Variants in SCN2A observed in about 807,000 individuals in gnomAD.
SCN2A encodes the protein sodium voltage-gated channel alpha subunit 2.
In SCN2A, 20 loss-of-function variants were observed where a neutral mutation model predicts 188.7. The observed-to-expected ratio is 0.11, with a 90% CI of 0.07 to 0.15. SCN2A has a LOEUF of 0.15. Ranked by LOEUF, SCN2A falls within the 10% of genes least tolerant of loss-of-function variation. SCN2A has a pLI of 1.00. For missense variants in SCN2A, 1,278 were observed against 2,445.0 expected (o/e 0.52, Z 10.07); for synonymous variants, 804 against 833.1 (o/e 0.97, Z 0.60).
At chr2:165,339,579 A>G (rs1012630336) in intron 14 of SCN2A, among the ~76,000 whole-genome samples, 7 of 152,192 alleles carry the variant, frequency 4.6e-5, no homozygotes, top group African/African-American at 1.7e-4. Context: ...AAACACGAAG[A>G]ATATAGTAAT....
In SCN2A at chr2:165,389,956, A is replaced by C. The variant is rs952120916; in HGVS notation, c.*132A>C. The C allele has an allele frequency of 1.4e-6, 2 of 1,430,828 alleles. No homozygotes were observed. Among genetic ancestry groups the C allele is most frequent in the African/African-American group, 1.4e-5 (1 of 69,632 alleles). 88.6% of individuals were successfully genotyped at this position (1,430,828 alleles called of 1,614,324 possible). ...TTTTTACAAATGTATACTTAAGGTCAGTGCCTATAACAAGACAGAGACCTC... is the reference window on the plus strand; with the variant it reads ...TTTTTACAAATGTATACTTAAGGTCCGTGCCTATAACAAGACAGAGACCTC... On this transcript the variant is annotated 3_prime_UTR_variant, in exon 27 of 27. Coordinates refer to ENST00000375437, the MANE Select transcript of SCN2A (RefSeq NM_001040142.2). The surrounding 1 kb of genome is among the most constrained non-coding windows in gnomAD (Gnocchi z 4.2).
At chr2:165,262,916 T>A (rs1694670116) in intron 1 of SCN2A, among the ~76,000 whole-genome samples, 1 of 152,126 alleles carries the variant, frequency 6.6e-6, no homozygotes. Context: ...ATATCTATTA[T>A]TTTTTGATTG....
chr2:165,350,995 T>C (rs930422189), intron 16 of SCN2A, among the ~76,000 whole-genome samples: 2 of 152,220 alleles, frequency 1.3e-5, no homozygotes, highest in African/African-American at 4.8e-5. Flanking sequence ...TGCCAAGAAC[T>C]GTGCTGAAAG....
intron 17 of SCN2A, among the ~76,000 whole-genome samples, chr2:165,355,383 A>G (rs1272119040): frequency 6.6e-6 from 1 of 152,226 alleles, no homozygotes; most frequent in Non-Finnish European, 1.5e-5. Flanking sequence ...TTTGATTTAC[A>G]AGAAGGGTAT....
intron 12 of SCN2A, 83 bp from the exon 13 acceptor site, chr2:165,326,769 T>G (rs1290095838): frequency 3.0e-5 from 44 of 1,450,324 alleles, no homozygotes; most frequent in Non-Finnish European, 4.1e-5. Flanking sequence ...GTATATTTAG[T>G]TAAATAACAC....
intron 23 of SCN2A, among the ~76,000 whole-genome samples, chr2:165,379,126 T>C (rs1701465026): frequency 6.6e-6 from 1 of 151,838 alleles, no homozygotes; most frequent in Non-Finnish European, 1.5e-5. Context: ...AAGAAACTTA[T>C]GCACATGTTT....
chr2:165,347,202 T>C (rs1047719595), intron 16 of SCN2A, among the ~76,000 whole-genome samples: 3 of 152,084 alleles, frequency 2.0e-5, no homozygotes, highest in African/African-American at 7.2e-5. Flanking sequence ...CAAATGCCCA[T>C]CAATGATAGA....
At chr2:165,379,724 A>G (rs1297853262) in intron 23 of SCN2A, among the ~76,000 whole-genome samples, 1 of 151,746 alleles carries the variant, frequency 6.6e-6, no homozygotes, top group Non-Finnish European at 1.5e-5. Context: ...ATTTTGCTGT[A>G]TTTCCTTAGA....
chr2:165,298,236 G>A (rs1225992343), intron 3 of SCN2A, among the ~76,000 whole-genome samples: 1 of 152,192 alleles, frequency 6.6e-6, no homozygotes, highest in Non-Finnish European at 1.5e-5. Flanking sequence ...AAGGCTTTCA[G>A]TATAAATATT....
intron 8 of SCN2A, 22 bp downstream of exon 8, chr2:165,312,110 G>C (rs1214006990): frequency 1.3e-6 from 2 of 1,592,832 alleles, no homozygotes; most frequent in Admixed American, 1.7e-5. Flanking sequence ...TTCCTACTGA[G>C]TTTCAGTCCA....
intron 1 of SCN2A, among the ~76,000 whole-genome samples, chr2:165,291,352 GTTCCTTCCTTCCTTCCTTCC>G (rs756578383): frequency 0.021 from 1,177 of 55,960 alleles, 33 homozygotes; most frequent in African/African-American, 0.026. Flanking sequence ...TCTGTCGTTC[GTTCCTTCCTTCCTTCCTTCC>G]TTCCTTCCTT....
intron 1 of SCN2A, among the ~76,000 whole-genome samples, chr2:165,281,701 A>G (rs1474878593): frequency 2.0e-5 from 3 of 152,128 alleles, no homozygotes; most frequent in Non-Finnish European, 4.4e-5. Context: ...TGGCTACCAC[A>G]TTGAGAATAA....
intron 15 of SCN2A, among the ~76,000 whole-genome samples, chr2:165,342,697 G>A (rs1379533489): frequency 6.6e-6 from 1 of 152,140 alleles, no homozygotes; most frequent in African/African-American, 2.4e-5. Flanking sequence ...TGAATGGAAG[G>A]CTAATAGAGA....
chr2:165,310,742 G>T, intron 7 of SCN2A, 147 bp downstream of exon 7: 1 of 506,266 alleles, frequency 2.0e-6, no homozygotes, highest in Admixed American at 3.8e-5. Context: ...GATATCAAAT[G>T]ATACCTTATT....
Position 165,365,175 on chromosome 2 carries a change from C to T in SCN2A, c.3432C>T (p.Ser1144=), listed in dbSNP as rs1362739462. The change falls in exon 18 of 27, where the codon AGC becomes AGT. Residue 1144 remains serine, a synonymous_variant. Coordinates refer to ENST00000375437, the MANE Select transcript of SCN2A (RefSeq NM_001040142.2). ...ATGCAACTAGTTCATCTGAAGGCAG[C>T]ACGGTTGATATTGGAGCTCCCGCCG... is the stretch of plus-strand genomic sequence containing the variant. ...KLNATSSSEG[S]TVDIGAPAEG... 1 of 1,613,498 alleles carries T rather than the reference C, an allele frequency of 6.2e-7. No homozygotes were observed. The highest frequency in any genetic ancestry group is 1.3e-5 in the African/African-American group (1 of 74,890).
intron 3 of SCN2A, among the ~76,000 whole-genome samples, chr2:165,298,901 T>C (rs1447884237): frequency 6.6e-6 from 1 of 151,960 alleles, no homozygotes; most frequent in Non-Finnish European, 1.5e-5. Context: ...AATAAGTGAC[T>C]AGTAAGTCAG....
At chr2:165,356,077 T>G (rs569337088) in intron 17 of SCN2A, among the ~76,000 whole-genome samples, 21 of 152,328 alleles carry the variant, frequency 1.4e-4, no homozygotes, top group African/African-American at 4.8e-4. Context: ...AGTATGTTAT[T>G]TTCCATTTTT....
In SCN2A at chr2:165,295,761, C is replaced by G; in HGVS notation, c.-51-12C>G. Reference sequence around the variant, plus strand: ...AATGGTCATTGCTTTTTTTCCCTCCCTGTTTCTGTAGCACTTTCTTATGCA... The same window carrying G: ...AATGGTCATTGCTTTTTTTCCCTCCGTGTTTCTGTAGCACTTTCTTATGCA... On this transcript the variant is annotated splice_polypyrimidine_tract_variant and intron_variant, in intron 1 of 26. Coordinates refer to ENST00000375437, the MANE Select transcript of SCN2A (RefSeq NM_001040142.2). The G allele has an allele frequency of 6.2e-7, 1 of 1,611,952 alleles. No homozygotes were observed.
intron 1 of SCN2A, among the ~76,000 whole-genome samples, chr2:165,265,299 A>G (rs1375375613): frequency 6.7e-6 from 1 of 149,848 alleles, no homozygotes; most frequent in Non-Finnish European, 1.5e-5. Flanking sequence ...TCTTCTTTTG[A>G]GAAGTGTCTG....
Sources: allele counts gnomAD v4.1 joint callset (sites outside exome capture counted in the v4.1 genomes callset), GRCh38; gene constraint gnomAD v4.1.1; non-coding constraint Gnocchi (gnomAD v3.1); transcripts MANE v1.5; gene names NCBI Gene and HGNC (gene_info 2026-07-23, HGNC 2026-07-21).